The following EVI2A variants were observed in gnomAD, a reference collection of about 807,000 sequenced individuals.
The protein encoded by EVI2A is ecotropic viral integration site 2A, also known as protein EVI2A.
EVI2A carries 11 observed loss-of-function variants against 13.0 expected under a neutral mutation model. The ratio of observed to expected loss-of-function variants is 0.85; its 90% CI spans 0.53 to 1.40. The LOEUF (loss-of-function observed/expected upper bound fraction) is 1.40, where lower values mean the gene tolerates loss of function less well. Ranked by LOEUF, EVI2A falls within the 40% of genes most tolerant of loss-of-function variation. The probability of loss-of-function intolerance (pLI) is 0.00; values close to 1 mark genes in which losing one functional copy is unlikely to be tolerated. For synonymous variants in EVI2A, 89 were observed against 98.0 expected (o/e 0.91, Z 0.54); for missense variants, 267 against 279.5 (o/e 0.96, Z 0.32).
chr17:31,320,583 A>G (rs2069160709), intron 1 of EVI2A: 2 of 607,514 alleles, frequency 3.3e-6, no homozygotes, highest in East Asian at 5.5e-5. Flanking sequence ...GTAGCATGTA[A>G]TAAACAATGC....
chr17:31,318,283 C>A lies in EVI2A; in HGVS notation c.*20G>T. 2 of 1,584,114 alleles carry A rather than the reference C, an allele frequency of 1.3e-6. No homozygotes were observed. Among genetic ancestry groups the A allele is most frequent in the Non-Finnish European group, 1.7e-6 (2 of 1,168,344 alleles). On this transcript the variant is annotated 3_prime_UTR_variant, in exon 2 of 2. Coordinates refer to ENST00000462804, the MANE Select transcript of EVI2A (RefSeq NM_014210.4). ...TTTTACTCCATAAGCCTTCTCATTG[C>A]TACTTTGCATTTTTCTTCACTAACC... is the stretch of plus-strand genomic sequence containing the variant.
chr17:31,318,078 A>T lies in EVI2A; in HGVS notation c.*225T>A. 1 of 488,374 alleles carries T rather than the reference A, an allele frequency of 2.0e-6. No homozygotes were observed. The highest frequency in any genetic ancestry group is 3.5e-6 in the Non-Finnish European group (1 of 286,606). 30.3% of individuals were successfully genotyped at this position (488,374 alleles called of 1,614,324 possible). A position where few individuals can be genotyped will look rare whatever the true frequency, so the allele number is the denominator to read the frequency against. ...TCCTTAAAATTTTCCTCAAATGCTT[A>T]GTTATTTTATTATTTGCTTTTTAAA... On this transcript the variant is annotated 3_prime_UTR_variant, in exon 2 of 2. Transcript: ENST00000462804.
At position 31,318,740 on chromosome 17, in the gene EVI2A, GT is replaced by G; in HGVS notation, c.273del (p.Glu91AspfsTer46). 1 of 1,614,042 alleles carries G rather than the reference GT, an allele frequency of 6.2e-7. No individual in the cohort carries two copies. Among genetic ancestry groups the G allele is most frequent in the Non-Finnish European group, 8.5e-7 (1 of 1,179,990 alleles). ...SHIVALTSKS[E>X]QELYIPSVVS... ...ACGACAGAAGGTATATAAAGCTCCT[GT>G]TCAGATTTAGAAGTTAAAGCTACGA... On this transcript the variant is annotated frameshift_variant, in exon 2 of 2. Coordinates refer to ENST00000462804, the MANE Select transcript of EVI2A (RefSeq NM_014210.4). LOFTEE classifies it high-confidence loss of function.
chr17:31,321,347 A>G (rs1484714075), intron 1 of EVI2A, 148 bp downstream of exon 1: 1 of 152,186 alleles, frequency 6.6e-6, no homozygotes, highest in African/African-American at 2.4e-5. Context: ...TTTATGTAAC[A>G]GGACAGAAAA....
At chr17:31,320,411 A>C in intron 1 of EVI2A, 1 of 1,611,014 alleles carries the variant, frequency 6.2e-7, no homozygotes, top group Non-Finnish European at 8.5e-7. Flanking sequence ...CTTTGTTTCC[A>C]AACCAACTCC....
Position 31,316,977 on chromosome 17 carries a change from A to T in EVI2A, c.*1326T>A, listed in dbSNP as rs774781504. On this transcript the variant is annotated 3_prime_UTR_variant, in exon 2 of 2. Transcript: ENST00000462804. The stretch of plus-strand genomic sequence containing the variant: ...TTAGAGTTCACCCCATTCCAGTTGC[A>T]TCAGAAGGAAGACATGGGAATTAGG... 6.6e-6 allele frequency among the ~76,000 whole-genome samples: 1 copy of T among 152,178 alleles called. No homozygotes were observed. The highest frequency in any genetic ancestry group is 1.5e-5 in the Non-Finnish European group (1 of 68,036).
rs139943451 is a variant in EVI2A, at chr17:31,318,634, G to C, written c.380C>G (p.Ala127Gly). 1.2e-6 allele frequency: 2 copies of C among 1,613,886 alleles called. No homozygotes were observed. The highest frequency in any genetic ancestry group is 1.1e-5 in the South Asian group (1 of 91,082). ...HGEIFKKDVC[A>G]ENNNNMAMLI... ...CATAGCCATGTTGTTGTTGTTTTCC[G>C]CACAGACATCCTTTTTGAAAATTTC... Residue 127 changes from alanine (A) to glycine (G), a missense_variant, in exon 2 of 2, where the codon GCG (alanine) becomes GGG (glycine). Physicochemically the swap from Ala to Gly is moderately conservative, Grantham distance 60 (BLOSUM62 0). Coordinates refer to ENST00000462804, the MANE Select transcript of EVI2A (RefSeq NM_014210.4).
intron 1 of EVI2A, among the ~76,000 whole-genome samples, chr17:31,319,280 T>A (rs1313515956): frequency 1.3e-5 from 2 of 152,114 alleles, no homozygotes; most frequent in Non-Finnish European, 2.9e-5. Context: ...TTAAGTGGAC[T>A]ATCATGGCTT....
At position 31,319,731 on chromosome 17, in the gene EVI2A, GT is replaced by G. The variant is rs2069128528; in HGVS notation, c.-10-709del. Among the ~76,000 whole-genome samples, 3 of 141,792 alleles carry G rather than the reference GT, an allele frequency of 2.1e-5. No individual in the cohort carries two copies. The South Asian group carries it at 7.0e-4, about 33-fold the overall frequency. The allele number at this position is 141,792 out of a possible 152,430, so 93.0% of individuals were successfully genotyped here. A position where few individuals can be genotyped will look rare whatever the true frequency, so the allele number is the denominator to read the frequency against. ...TCTTTCTGAAGGCAAAGGCATACCA[GT>G]TTTCTCAACCTAAAAATCTGAAGAA... On this transcript the variant is annotated intron_variant, in intron 1 of 1. Coordinates refer to ENST00000462804, the MANE Select transcript of EVI2A (RefSeq NM_014210.4).
At position 31,318,673 on chromosome 17, in the gene EVI2A, C is replaced by A. The variant is rs776805050; in HGVS notation, c.341G>T (p.Ser114Ile). The change falls in exon 2 of 2, where the codon AGC becomes ATC. Residue 114 changes from serine (S) to isoleucine (I), a missense_variant. Coordinates refer to ENST00000462804, the MANE Select transcript of EVI2A (RefSeq NM_014210.4). ...TTTGAAAATTTCACCATGACTTTTGCTTGTGTTTTCAATGCTCTGTACTGT... is the reference window on the plus strand; with the variant it reads ...TTTGAAAATTTCACCATGACTTTTGATTGTGTTTTCAATGCTCTGTACTGT... ...PSTVQSIENT[S>I]KSHGEIFKKD... 1 of 1,614,038 alleles carries A rather than the reference C, an allele frequency of 6.2e-7. No individual in the cohort carries two copies. Among genetic ancestry groups the A allele is most frequent in the South Asian group, 1.1e-5 (1 of 91,080 alleles).
At chr17:31,319,569 CT>C (rs955287888) in intron 1 of EVI2A, among the ~76,000 whole-genome samples, 7 of 150,912 alleles carry the variant, frequency 4.6e-5, no homozygotes, top group Middle Eastern at 3.2e-3. Flanking sequence ...TCAAGGTGTT[CT>C]TTTTTTTTCT....
chr17:31,321,385 C>G (rs2069187368), intron 1 of EVI2A, 110 bp downstream of exon 1: 1 of 152,036 alleles, frequency 6.6e-6, no homozygotes, highest in South Asian at 2.1e-4. Flanking sequence ...AGTCACAATT[C>G]TAGTTTGTTA....
At chr17:31,319,845 C>G (rs776041898) in intron 1 of EVI2A, among the ~76,000 whole-genome samples, 1 of 150,850 alleles carries the variant, frequency 6.6e-6, no homozygotes, top group African/African-American at 2.4e-5. Flanking sequence ...TCATTTATAC[C>G]TAGCATTTTT....
rs772569534 is a variant in EVI2A at position 31,318,576 on chromosome 17, A to G, written c.438T>C (p.Phe146=). ...ATAGAAATAGAAAGGTACAGATAAG[A>G]AAAAGCACTGCAATTATAATTAAGC... The part of the protein sequence containing the change: ...LICLIIIAVL[F]LICTFLFLST... The change falls in exon 2 of 2, where the codon TTT becomes TTC. Residue 146 remains phenylalanine, a synonymous_variant. Transcript: ENST00000462804. 1 of 1,614,138 alleles carries G rather than the reference A, an allele frequency of 6.2e-7. No individual in the cohort carries two copies. The highest frequency in any genetic ancestry group is 1.1e-5 in the South Asian group (1 of 91,084).
In EVI2A at chr17:31,317,747, C is replaced by G. The variant is rs577913414; in HGVS notation, c.*556G>C. 6.6e-6 allele frequency: 1 copy of G among 152,146 alleles called. No homozygotes were observed. 9.4% of individuals were successfully genotyped at this position (152,146 alleles called of 1,614,324 possible). A position where few individuals can be genotyped will look rare whatever the true frequency, so the allele number is the denominator to read the frequency against. The stretch of plus-strand genomic sequence containing the variant: ...TTAATAGTAGAAAAACACTTTCTTA[C>G]GTGTGCCATATGGAAAGATAAAGGA... On this transcript the variant is annotated 3_prime_UTR_variant, in exon 2 of 2. Transcript: ENST00000462804.
rs762087037 is a variant in EVI2A, at chr17:31,318,903, A to G, written c.111T>C (p.Ala37=). 2 of 1,614,084 alleles carry G rather than the reference A, an allele frequency of 1.2e-6. No homozygotes were observed. The highest frequency in any genetic ancestry group is 2.2e-5 in the South Asian group (2 of 91,088). The change falls in exon 2 of 2, where the codon GCT becomes GCC. Residue 37 remains alanine (A), a synonymous_variant. Coordinates refer to ENST00000462804, the MANE Select transcript of EVI2A (RefSeq NM_014210.4). The part of the protein sequence containing the change: ...GTKANYTRLW[A]NSTSSWDSVI... ...CTGAATCCCAGGAAGAAGTACTGTT[A>G]GCCCACAGACGGGTATAGTTTGCTT...
At chr17:31,319,309 T>C (rs1450474185) in intron 1 of EVI2A, among the ~76,000 whole-genome samples, 1 of 152,070 alleles carries the variant, frequency 6.6e-6, no homozygotes, top group Non-Finnish European at 1.5e-5. Flanking sequence ...TTTCTTCCTT[T>C]GAAGCGTGCT....
Position 31,318,900 on chromosome 17 carries a change from G to C in EVI2A, c.114C>G (p.Asn38Lys). 1 of 1,614,048 alleles carries C rather than the reference G, an allele frequency of 6.2e-7. No homozygotes were observed. The highest frequency in any genetic ancestry group is 8.5e-7 in the Non-Finnish European group (1 of 1,179,950). ...TAACTGAATCCCAGGAAGAAGTACTGTTAGCCCACAGACGGGTATAGTTTG... is the reference window on the plus strand; with the variant it reads ...TAACTGAATCCCAGGAAGAAGTACTCTTAGCCCACAGACGGGTATAGTTTG... ...TKANYTRLWA[N>K]STSSWDSVIQ... Residue 38 changes from asparagine (N) to lysine (K), a missense_variant, in exon 2 of 2, where the codon AAC becomes AAG. By Grantham distance (94) the Asn-to-Lys change is moderately conservative (BLOSUM62 0). Transcript: ENST00000462804.
At chr17:31,319,103 T>C in intron 1 of EVI2A, 80 bp from the exon 2 acceptor site, 2 of 1,406,282 alleles carry the variant, frequency 1.4e-6, no homozygotes, top group Non-Finnish European at 9.6e-7. Context: ...TAAAAGATAG[T>C]GTTGAGATGT....
Sources: allele counts gnomAD v4.1 joint callset (sites outside exome capture counted in the v4.1 genomes callset), GRCh38; gene constraint gnomAD v4.1.1; transcripts MANE v1.5; gene names NCBI Gene and HGNC (gene_info 2026-07-23, HGNC 2026-07-21).